STAG1: variants seen among roughly 807,000 people sequenced by gnomAD.
STAG1 encodes cohesin subunit SA-1.
Under a neutral mutation model 170.9 loss-of-function variants are expected in STAG1, and 26 were observed. That is an observed-to-expected ratio of 0.15 (90% confidence interval 0.11 to 0.21). The LOEUF (loss-of-function observed/expected upper bound fraction) is 0.21. STAG1 is among the 10% of genes least tolerant of loss of function. The probability of loss-of-function intolerance (pLI) is 1.00; values close to 1 mark genes in which losing one functional copy is unlikely to be tolerated. For synonymous variants in STAG1, 514 were observed against 497.7 expected (o/e 1.03, Z -0.44); for missense variants, 964 against 1,509.5 (o/e 0.64, Z 5.99).
intron 1 of STAG1, among the ~76,000 whole-genome samples, chr3:136,688,408 T>A (rs1261107826): frequency 6.6e-6 from 1 of 152,160 alleles, no homozygotes; most frequent in African/African-American, 2.4e-5. Context: ...AATTTTTTTT[T>A]TCTTTTTTTG....
chr3:136,655,105 G>A (rs1006887663), intron 1 of STAG1, among the ~76,000 whole-genome samples: 4 of 152,004 alleles, frequency 2.6e-5, no homozygotes, highest in African/African-American at 9.7e-5. Flanking sequence ...AACAACATCG[G>A]CACAGACAAC....
rs189408501 is a variant in STAG1 at position 136,611,732 on chromosome 3, T to C, written c.133-7259A>G. Among the ~76,000 whole-genome samples the C allele has an allele frequency of 3.2e-3, 474 of 146,796 alleles. 2 individuals carry two copies. The highest frequency in any genetic ancestry group is 5.4e-3 in the South Asian group (24 of 4,472). On this transcript the variant is annotated intron_variant, in intron 3 of 33. Transcript: ENST00000383202. The stretch of plus-strand genomic sequence containing the variant: ...GTTGCCCAGGCTGGTCTCGAACTCC[T>C]GAGCTCAAGATATCTGCCTGCCTCA...
At chr3:136,725,631 C>T (rs1301680346) in intron 1 of STAG1, among the ~76,000 whole-genome samples, 1 of 152,160 alleles carries the variant, frequency 6.6e-6, no homozygotes, top group African/African-American at 2.4e-5. Flanking sequence ...TACTGAGACA[C>T]ATGCAGAAGG....
intron 32 of STAG1, 140 bp from the exon 33 acceptor site, chr3:136,338,590 G>T: frequency 1.6e-6 from 1 of 636,854 alleles, no homozygotes; most frequent in Non-Finnish European, 2.7e-6. Flanking sequence ...AGAGAATCTG[G>T]CTTTTATATG....
intron 6 of STAG1, among the ~76,000 whole-genome samples, chr3:136,525,238 G>A (rs1354291424): frequency 1.3e-5 from 2 of 152,082 alleles, no homozygotes; most frequent in East Asian, 1.9e-4. Flanking sequence ...ACTTTTTTTG[G>A]TTGGTAGGCT....
Position 136,727,189 on chromosome 3 carries a change from T to C in STAG1, c.-84+25006A>G, listed in dbSNP as rs556835728. ...AAGAATAAATACCATCTGCCTTCTT[T>C]TCCAGTATATAAATGAAATGAAAAA... On this transcript the variant is annotated intron_variant, in intron 1 of 33. Transcript: ENST00000383202. Among the ~76,000 whole-genome samples the C allele has an allele frequency of 1.7e-4, 26 of 152,300 alleles. 1 individual carries two copies. The South Asian group carries it at 4.3e-3, about 25-fold the overall frequency.
chr3:136,576,508 T>C (rs1937460425), intron 4 of STAG1, among the ~76,000 whole-genome samples: 1 of 152,210 alleles, frequency 6.6e-6, no homozygotes, highest in Non-Finnish European at 1.5e-5. Context: ...GCTATAATTA[T>C]GATTTTATCA....
chr3:136,472,528 A>T (rs746029705), intron 11 of STAG1, 36 bp from the exon 12 acceptor site: 1 of 1,437,358 alleles, frequency 7.0e-7, no homozygotes, highest in South Asian at 1.2e-5. Flanking sequence ...ACCAACTATG[A>T]ACAGAAAATA....
chr3:136,521,442 T>G, intron 6 of STAG1, 25 bp from the exon 7 acceptor site: 1 of 1,600,556 alleles, frequency 6.2e-7, no homozygotes. Flanking sequence ...AAGAACATAT[T>G]AAGTATGTCA....
intron 22 of STAG1, among the ~76,000 whole-genome samples, chr3:136,390,469 A>G (rs1250682095): frequency 6.6e-6 from 1 of 152,194 alleles, no homozygotes. Flanking sequence ...AGACCAGCCA[A>G]TCAGGCACTT....
At chr3:136,385,134 A>G (rs2086836747) in intron 22 of STAG1, among the ~76,000 whole-genome samples, 1 of 152,200 alleles carries the variant, frequency 6.6e-6, no homozygotes, top group African/African-American at 2.4e-5. Flanking sequence ...TCTTATTTTT[A>G]GAAAGCAGCA....
chr3:136,394,938 CAAA>C (rs778204800), intron 22 of STAG1, among the ~76,000 whole-genome samples: 1 of 59,304 alleles, frequency 1.7e-5, no homozygotes. Flanking sequence ...GACTCTGTCT[CAAA>C]AAAAAAAAAA....
intron 4 of STAG1, among the ~76,000 whole-genome samples, chr3:136,574,643 A>T (rs549187914): frequency 1.3e-5 from 2 of 152,314 alleles, no homozygotes; most frequent in African/African-American, 4.8e-5. Context: ...CTATAACAAC[A>T]TTAAATTTTA....
chr3:136,416,844 CTTTTTTT>C (rs66573534), intron 21 of STAG1, among the ~76,000 whole-genome samples: 1 of 127,198 alleles, frequency 7.9e-6, no homozygotes, highest in Non-Finnish European at 1.6e-5. Flanking sequence ...TCATAATTAA[CTTTTTTT>C]TTTTTTTTTT....
intron 22 of STAG1, among the ~76,000 whole-genome samples, chr3:136,387,661 TATA>T (rs1245767349): frequency 1.3e-5 from 2 of 152,178 alleles, no homozygotes; most frequent in African/African-American, 4.8e-5. Flanking sequence ...TTTGTGAATA[TATA>T]ATAAAACGAC....
At chr3:136,735,901 A>G (rs1934307290) in intron 1 of STAG1, among the ~76,000 whole-genome samples, 1 of 152,200 alleles carries the variant, frequency 6.6e-6, no homozygotes, top group South Asian at 2.1e-4. Context: ...TTGGAAAGTG[A>G]AAGGTTGGGG....
intron 29 of STAG1, chr3:136,348,828 ATTT>A: frequency 3.7e-6 from 1 of 270,450 alleles, no homozygotes; most frequent in East Asian, 9.6e-5. Flanking sequence ...ATTAGGAAGA[ATTT>A]TAATAGAATA....
intron 1 of STAG1, among the ~76,000 whole-genome samples, chr3:136,707,723 T>C (rs150450479): frequency 6.6e-6 from 1 of 152,260 alleles, no homozygotes; most frequent in Admixed American, 6.5e-5. Flanking sequence ...GTGAGGGATG[T>C]CGCGGCTTTA....
Position 136,353,795 on chromosome 3 carries a change from CAA to C in STAG1, c.3065+3923_3065+3924del, listed in dbSNP as rs1936525712. Among the ~76,000 whole-genome samples the C allele has an allele frequency of 2.6e-5, 4 of 152,176 alleles. No homozygotes were observed. The South Asian group carries it at 6.2e-4, about 24-fold the overall frequency. On this transcript the variant is annotated intron_variant, in intron 28 of 33. Coordinates refer to ENST00000383202, the MANE Select transcript of STAG1 (RefSeq NM_005862.3). ...GGTAATTTGAATTTACATGAAAAAACAAAGAGTGCCAGTAAAGGTAATTTGTA... is the reference window on the plus strand; with the variant it reads ...GGTAATTTGAATTTACATGAAAAAACAGAGTGCCAGTAAAGGTAATTTGTA...
Sources: gnomAD v4.1 joint callset for allele counts (sites outside exome capture counted in the v4.1 genomes callset) on GRCh38, gnomAD v4.1.1 for gene constraint, MANE v1.5 for transcripts, NCBI Gene and HGNC (gene_info 2026-07-23, HGNC 2026-07-21) for gene names.